The following EIF4EBP2 variants were observed in gnomAD, a reference collection of about 807,000 sequenced individuals.
EIF4EBP2 encodes the protein eukaryotic translation initiation factor 4E-binding protein 2.
EIF4EBP2 carries 5 observed loss-of-function variants against 10.3 expected under a neutral mutation model. The ratio of observed to expected loss-of-function variants is 0.48; its 90% CI spans 0.25 to 1.02. The LOEUF is 1.02. Among genes scored for constraint, EIF4EBP2 ranks in the 50% least tolerant of loss-of-function variants. The pLI, the probability that EIF4EBP2 is intolerant of heterozygous loss-of-function variation, is 0.15. For missense variants in EIF4EBP2, 188 were observed against 162.2 expected (o/e 1.16, Z -0.86); for synonymous variants, 67 against 61.1 (o/e 1.10, Z -0.45).
At chr10:70,421,493 CT>C (rs1845156827) in intron 2 of EIF4EBP2, among the ~76,000 whole-genome samples, 1 of 152,198 alleles carries the variant, frequency 6.6e-6, no homozygotes, top group South Asian at 2.1e-4. Context: ...GATGTTTTCA[CT>C]TGTGTCCTTT....
intron 1 of EIF4EBP2, among the ~76,000 whole-genome samples, chr10:70,416,839 A>AT (rs199624058): frequency 0.013 from 1,878 of 150,028 alleles, 47 homozygotes; most frequent in African/African-American, 0.043. Flanking sequence ...TAATTTTTGT[A>AT]TTTTTTTTTA....
At chr10:70,406,664 C>T (rs889029150) in intron 1 of EIF4EBP2, among the ~76,000 whole-genome samples, 1 of 150,806 alleles carries the variant, frequency 6.6e-6, no homozygotes, top group Admixed American at 6.6e-5. Context: ...GTCTCATAGC[C>T]TGGATTAGTT....
intron 1 of EIF4EBP2, among the ~76,000 whole-genome samples, chr10:70,404,760 G>C (rs1261016682): frequency 6.6e-6 from 1 of 152,230 alleles, no homozygotes; most frequent in Non-Finnish European, 1.5e-5. Flanking sequence ...CGGGAATGTG[G>C]CTGTCCTGTC....
chr10:70,413,609 C>CAAA (rs57681671), intron 1 of EIF4EBP2, among the ~76,000 whole-genome samples: 57 of 97,286 alleles, frequency 5.9e-4, no homozygotes, highest in African/African-American at 7.5e-4. Flanking sequence ...CCCTGACTCT[C>CAAA]AAAAAAAAAA....
intron 2 of EIF4EBP2, among the ~76,000 whole-genome samples, chr10:70,420,752 C>T (rs1401395898): frequency 6.6e-6 from 1 of 152,140 alleles, no homozygotes; most frequent in Non-Finnish European, 1.5e-5. Context: ...AATTTCATAG[C>T]CCCCATTTCC....
chr10:70,428,281 TA>T lies in EIF4EBP2; in HGVS notation c.*6545del, dbSNP rs879902503. The T allele has an allele frequency of 0.015, 2,199 of 147,952 alleles. 50 individuals are homozygous for T. The highest frequency in any genetic ancestry group is 0.041 in the African/African-American group (1,662 of 40,480). 9.2% of individuals were successfully genotyped at this position (147,952 alleles called of 1,614,324 possible). On this transcript the variant is annotated 3_prime_UTR_variant, in exon 3 of 3. Transcript: ENST00000373218. ...TTATGCATCTTTAAAATATTTTATTTAAAAAAAAAAATAGCCCTGCCCTGTC... is the reference window on the plus strand; with the variant it reads ...TTATGCATCTTTAAAATATTTTATTTAAAAAAAAAATAGCCCTGCCCTGTC...
chr10:70,420,150 A>G, intron 2 of EIF4EBP2, 51 bp downstream of exon 2: 2 of 1,503,250 alleles, frequency 1.3e-6, no homozygotes, highest in Non-Finnish European at 1.8e-6. Context: ...TGGAATTTGA[A>G]TGTCTGTTTG....
rs1305633527 is a variant in EIF4EBP2 at position 70,425,056 on chromosome 10, G to A, written c.*3309G>A. 6.6e-6 allele frequency: 1 copy of A among 152,238 alleles called. No homozygotes were observed. Among genetic ancestry groups the A allele is most frequent in the Non-Finnish European group, 1.5e-5 (1 of 68,032 alleles). The allele number at this position is 152,238 out of a possible 1,614,324, so 9.4% of individuals were successfully genotyped here. ...TGGCCCATGGTATCATGAAGTTACA[G>A]TCAAGATTGAACAGGGGCTGCAGTC... On this transcript the variant is annotated 3_prime_UTR_variant, in exon 3 of 3. Coordinates refer to ENST00000373218, the MANE Select transcript of EIF4EBP2 (RefSeq NM_004096.5).
intron 1 of EIF4EBP2, among the ~76,000 whole-genome samples, chr10:70,412,216 C>T (rs577562791): frequency 2.0e-5 from 3 of 152,250 alleles, no homozygotes; most frequent in Non-Finnish European, 2.9e-5. Flanking sequence ...ACTTCATGTT[C>T]TCCTTTCCTG....
chr10:70,420,190 G>GTTTTGTTTTGT lies in EIF4EBP2; in HGVS notation c.331+100_331+101insGTTTTTGTTTT, dbSNP rs1206570191. 4.2e-5 allele frequency: 58 copies of GTTTTGTTTTGT among 1,365,428 alleles called. No individual in the cohort carries two copies. In the South Asian group the frequency reaches 6.3e-4, roughly 15 times the overall value. The allele number at this position is 1,365,428 out of a possible 1,614,324, so 84.6% of individuals were successfully genotyped here. On this transcript the variant is annotated intron_variant, in intron 2 of 2. Coordinates refer to ENST00000373218, the MANE Select transcript of EIF4EBP2 (RefSeq NM_004096.5). Reference sequence around the variant, plus strand: ...AGGTTGAGAAGCTATTGATTCTTCAGTTTTGTTTTTTGTTTTTTGTTTTTT... The same window carrying GTTTTGTTTTGT: ...AGGTTGAGAAGCTATTGATTCTTCAGTTTTGTTTTGTTTTTGTTTTTTGTTTTTTGTTTTTT...
At chr10:70,410,938 C>T (rs1845037827) in intron 1 of EIF4EBP2, among the ~76,000 whole-genome samples, 1 of 152,164 alleles carries the variant, frequency 6.6e-6, no homozygotes. Context: ...GGATACCTTC[C>T]TCCTCGTGGT....
chr10:70,408,304 C>G (rs960655070), intron 1 of EIF4EBP2, among the ~76,000 whole-genome samples: 1 of 152,132 alleles, frequency 6.6e-6, no homozygotes, highest in Non-Finnish European at 1.5e-5. Context: ...CCCCTCACCT[C>G]CCGGACGGGG....
At chr10:70,420,136 C>T in intron 2 of EIF4EBP2, 37 bp downstream of exon 2, 5 of 1,531,502 alleles carry the variant, frequency 3.3e-6, no homozygotes, top group Non-Finnish European at 4.4e-6. Context: ...TAGAGCGTGG[C>T]TCTTGGAATT....
intron 1 of EIF4EBP2, among the ~76,000 whole-genome samples, chr10:70,413,123 C>T (rs1246932337): frequency 6.6e-6 from 1 of 152,108 alleles, no homozygotes; most frequent in Non-Finnish European, 1.5e-5. Context: ...ACTTTTATTA[C>T]TTTCTGTCTC....
At chr10:70,420,209 G>T in intron 2 of EIF4EBP2, 110 bp downstream of exon 2, 1 of 1,177,264 alleles carries the variant, frequency 8.5e-7, no homozygotes, top group Non-Finnish European at 1.2e-6. Context: ...TTTGTTTTTT[G>T]TTTTTTTTGA....
chr10:70,413,137 T>C (rs1014842477), intron 1 of EIF4EBP2, among the ~76,000 whole-genome samples: 1 of 152,216 alleles, frequency 6.6e-6, no homozygotes, highest in African/African-American at 2.4e-5. Flanking sequence ...CTGTCTCTTG[T>C]TTCTCATCCT....
intron 1 of EIF4EBP2, 75 bp downstream of exon 1, chr10:70,404,621 G>A: frequency 2.1e-6 from 3 of 1,413,244 alleles, no homozygotes; most frequent in Non-Finnish European, 2.8e-6. Flanking sequence ...CTCGGTGCCC[G>A]GCCGCTTCGC....
chr10:70,406,726 T>G (rs1295577414), intron 1 of EIF4EBP2, among the ~76,000 whole-genome samples: 1 of 152,186 alleles, frequency 6.6e-6, no homozygotes, highest in Non-Finnish European at 1.5e-5. Flanking sequence ...TTACCCCTCC[T>G]CCTAACAACA....
intron 1 of EIF4EBP2, among the ~76,000 whole-genome samples, chr10:70,415,802 G>T (rs976884761): frequency 9.2e-5 from 14 of 151,742 alleles, no homozygotes; most frequent in Non-Finnish European, 1.8e-4. Flanking sequence ...TTTAGAAGAA[G>T]ACAGAGGCAA....
Sources: gnomAD v4.1 joint callset for allele counts (sites outside exome capture counted in the v4.1 genomes callset) on GRCh38, gnomAD v4.1.1 for gene constraint, MANE v1.5 for transcripts, NCBI Gene and HGNC (gene_info 2026-07-23, HGNC 2026-07-21) for gene names.